The following GRID2 variants were observed in gnomAD, a reference collection of about 807,000 sequenced individuals.
GRID2 encodes the protein glutamate ionotropic receptor delta type subunit 2.
GRID2 carries 33 observed loss-of-function variants against 114.8 expected under a neutral mutation model. The observed-to-expected ratio is 0.29, with a 90% CI of 0.22 to 0.38. The LOEUF (loss-of-function observed/expected upper bound fraction) is 0.38. Ranked by LOEUF, GRID2 falls within the 10% of genes least tolerant of loss-of-function variation. The probability of loss-of-function intolerance (pLI) is 1.00; values close to 1 mark genes in which losing one functional copy is unlikely to be tolerated. For missense variants in GRID2, 1,184 were observed against 1,257.7 expected (o/e 0.94, Z 0.89); for synonymous variants, 505 against 449.9 (o/e 1.12, Z -1.55).
intron 2 of GRID2, among the ~76,000 whole-genome samples, chr4:92,991,707 A>G (rs1754916616): frequency 6.6e-6 from 1 of 152,338 alleles, no homozygotes; most frequent in East Asian, 1.9e-4. Context: ...CAAACGTTGT[A>G]GAAAATTAAT....
intron 8 of GRID2, among the ~76,000 whole-genome samples, chr4:93,315,841 G>A (rs984141829): frequency 3.3e-5 from 5 of 152,002 alleles, no homozygotes; most frequent in Non-Finnish European, 5.9e-5. Flanking sequence ...CCTACTTTAG[G>A]TTCAGGCACT....
intron 2 of GRID2, among the ~76,000 whole-genome samples, chr4:93,001,594 T>C (rs1451653250): frequency 1.3e-5 from 2 of 151,742 alleles, no homozygotes; most frequent in Non-Finnish European, 3.0e-5. Flanking sequence ...TAGCTGGTAC[T>C]GTGAAAACTA....
intron 1 of GRID2, among the ~76,000 whole-genome samples, chr4:92,446,878 G>A (rs770534049): frequency 6.6e-6 from 1 of 152,142 alleles, no homozygotes; most frequent in Admixed American, 6.5e-5. Flanking sequence ...GATAACCTTC[G>A]AAGTAACACC....
At chr4:92,977,618 T>A (rs2149182159) in intron 2 of GRID2, among the ~76,000 whole-genome samples, 1 of 152,316 alleles carries the variant, frequency 6.6e-6, no homozygotes, top group East Asian at 1.9e-4. Flanking sequence ...GACTACAATT[T>A]GAAGAATCAA....
At chr4:93,194,433 A>AT (rs918709342) in intron 4 of GRID2, among the ~76,000 whole-genome samples, 8 of 152,052 alleles carry the variant, frequency 5.3e-5, no homozygotes, top group East Asian at 1.9e-4. Context: ...AAAATATAGT[A>AT]TTTTTTTCTA....
intron 10 of GRID2, among the ~76,000 whole-genome samples, chr4:93,438,470 A>G (rs1244234847): frequency 7.9e-5 from 12 of 152,108 alleles, no homozygotes; most frequent in Non-Finnish European, 1.8e-4. Flanking sequence ...TACAAATTAT[A>G]AAAGAGTTTT....
intron 4 of GRID2, among the ~76,000 whole-genome samples, chr4:93,201,307 AGT>A (rs1472544692): frequency 6.6e-6 from 1 of 152,222 alleles, no homozygotes; most frequent in Non-Finnish European, 1.5e-5. Flanking sequence ...CATTACTTTT[AGT>A]GGAACTAGTG....
chr4:93,130,392 G>C (rs759677402), intron 4 of GRID2, among the ~76,000 whole-genome samples: 20 of 152,152 alleles, frequency 1.3e-4, no homozygotes, highest in Non-Finnish European at 2.5e-4. Context: ...AGTGAGCCAT[G>C]TTCGCACCAC....
intron 2 of GRID2, among the ~76,000 whole-genome samples, chr4:92,807,427 T>G (rs1740472333): frequency 6.6e-6 from 1 of 151,862 alleles, no homozygotes. Context: ...AAATGTGATG[T>G]GCAAAAAAAA....
chr4:92,435,803 G>C (rs1732709410), intron 1 of GRID2, among the ~76,000 whole-genome samples: 1 of 152,122 alleles, frequency 6.6e-6, no homozygotes, highest in African/African-American at 2.4e-5. Flanking sequence ...CTCAAGAAGT[G>C]GTTTGTTCTC....
At chr4:92,640,179 A>G (rs1365352052) in intron 2 of GRID2, among the ~76,000 whole-genome samples, 1 of 151,842 alleles carries the variant, frequency 6.6e-6, no homozygotes, top group Non-Finnish European at 1.5e-5. Context: ...ACAGTAGATC[A>G]CATATTTATT....
rs549083566 is a variant in GRID2, at chr4:93,805,219, T to G, written c.222-1496T>G. Among the ~76,000 whole-genome samples, 17 of 152,342 alleles carry G rather than the reference T, an allele frequency of 1.1e-4. No homozygotes were observed. The East Asian group carries it at 3.3e-3, about 29-fold the overall frequency. On this transcript the variant is annotated intron_variant, in intron 1 of 1. Transcript: ENST00000637838. ...ATGCTAATAAACATGACTCAAAAAC[T>G]TAACTTCATGTTGAAATGTTAGGGA...
intron 2 of GRID2, among the ~76,000 whole-genome samples, chr4:93,067,080 G>T (rs568729322): frequency 1.3e-5 from 2 of 152,076 alleles, no homozygotes; most frequent in South Asian, 4.1e-4. Context: ...GACCATGGTT[G>T]ACTCCAGGTA....
At position 93,679,360 on chromosome 4, in the gene GRID2, A is replaced by T. The variant is rs529137496; in HGVS notation, c.2360+52925A>T. Among the ~76,000 whole-genome samples, 36 of 151,090 alleles carry T rather than the reference A, an allele frequency of 2.4e-4. 2 individuals are homozygous for T. The highest frequency in any genetic ancestry group is 8.3e-4 in the African/African-American group (34 of 40,730). ...TTTAACACCCCACTGTCAACATTAG[A>T]CAGATCAACGAGACAGAAAGTTAAC... On this transcript the variant is annotated intron_variant, in intron 14 of 15. Coordinates refer to ENST00000282020, the MANE Select transcript of GRID2 (RefSeq NM_001510.4).
chr4:93,332,293 T>TGAGAGA (rs1182268164), intron 8 of GRID2, among the ~76,000 whole-genome samples: 2,577 of 114,522 alleles, frequency 0.023, 78 homozygotes, highest in African/African-American at 0.11. Flanking sequence ...TGTGTGTGTG[T>TGAGAGA]GTGTGTGAGA....
chr4:92,587,113 T>G (rs952635342), intron 1 of GRID2, among the ~76,000 whole-genome samples: 4 of 150,590 alleles, frequency 2.7e-5, no homozygotes, highest in Non-Finnish European at 5.9e-5. Context: ...TGTGTGTGTG[T>G]GTGTGTGTGT....
Position 92,713,816 on chromosome 4 carries a change from A to G in GRID2, c.244+123530A>G, listed in dbSNP as rs547710069. On this transcript the variant is annotated intron_variant, in intron 2 of 15. Coordinates refer to ENST00000282020, the MANE Select transcript of GRID2 (RefSeq NM_001510.4). ...CAGGAAAGACCTGCCCCCATGATAC[A>G]ATTACCTCCCACCAGGTCCCTCCCA... 3.9e-5 allele frequency among the ~76,000 whole-genome samples: 6 copies of G among 152,030 alleles called. No individual in the cohort carries two copies. In the East Asian group the frequency reaches 1.2e-3, roughly 30 times the overall value.
intron 2 of GRID2, among the ~76,000 whole-genome samples, chr4:92,879,113 T>C (rs1745825279): frequency 6.6e-6 from 1 of 152,184 alleles, no homozygotes; most frequent in Non-Finnish European, 1.5e-5. Flanking sequence ...TTTCGTTTAA[T>C]GCAAATGTAT....
At chr4:93,614,690 A>G (rs910950644) in intron 13 of GRID2, among the ~76,000 whole-genome samples, 2 of 152,180 alleles carry the variant, frequency 1.3e-5, no homozygotes, top group Non-Finnish European at 2.9e-5. Context: ...ACAATATTTT[A>G]ATAAGGTTTT....
Sources: allele counts gnomAD v4.1 joint callset (sites outside exome capture counted in the v4.1 genomes callset), GRCh38; gene constraint gnomAD v4.1.1; transcripts MANE v1.5; gene names NCBI Gene and HGNC (gene_info 2026-07-23, HGNC 2026-07-21).